The following SLC25A12 variants were observed in gnomAD, a reference collection of about 807,000 sequenced individuals.
SLC25A12 encodes the protein electrogenic aspartate/glutamate antiporter SLC25A12, mitochondrial.
A neutral mutation model predicts 83.3 loss-of-function variants in SLC25A12; 32 were observed. The observed-to-expected ratio is 0.38, with a 90% CI of 0.29 to 0.52. The LOEUF is 0.52. SLC25A12 is among the 20% of genes least tolerant of loss of function. The pLI is 0.84. For missense variants in SLC25A12, 611 were observed against 835.6 expected, an observed-to-expected ratio of 0.73 and a Z score of 3.31; for synonymous variants, 267 against 291.1, an observed-to-expected ratio of 0.92 and a Z score of 0.84.
At chr2:171,837,055 A>G in intron 6 of SLC25A12, 66 bp downstream of exon 6, 1 of 1,503,990 alleles carries the variant, frequency 6.6e-7, no homozygotes, top group Non-Finnish European at 9.2e-7. Context: ...CCTGGAGGCA[A>G]TCCAGGACTC....
At chr2:171,789,233 ACT>A (rs558804456) in intron 15 of SLC25A12, among the ~76,000 whole-genome samples, 2 of 145,398 alleles carry the variant, frequency 1.4e-5, no homozygotes, top group Admixed American at 6.9e-5. Context: ...TTACAGCCTG[ACT>A]CTCTTTTTTT....
At chr2:171,809,410 A>G in intron 13 of SLC25A12, 196 bp downstream of exon 13, 1 of 599,356 alleles carries the variant, frequency 1.7e-6, no homozygotes, top group Non-Finnish European at 3.0e-6. Context: ...ACTGGCGGAA[A>G]ATGCTACCTC....
intron 2 of SLC25A12, among the ~76,000 whole-genome samples, chr2:171,879,727 G>A (rs1170783686): frequency 2.0e-5 from 3 of 152,172 alleles, no homozygotes; most frequent in African/African-American, 7.2e-5. Flanking sequence ...GGCAAATCAT[G>A]TCGCTTTGAC....
At chr2:171,890,418 T>A (rs981197362) in intron 2 of SLC25A12, among the ~76,000 whole-genome samples, 1 of 152,140 alleles carries the variant, frequency 6.6e-6, no homozygotes, top group Non-Finnish European at 1.5e-5. Context: ...GGAATAAAAA[T>A]CTTTTACTTG....
At chr2:171,866,904 T>C (rs1352134747) in intron 3 of SLC25A12, among the ~76,000 whole-genome samples, 3 of 149,776 alleles carry the variant, frequency 2.0e-5, no homozygotes, top group African/African-American at 5.0e-5. Context: ...GAGGGGCTCC[T>C]CACTTCTCAG....
At chr2:171,837,660 T>C (rs1168211189) in intron 5 of SLC25A12, among the ~76,000 whole-genome samples, 1 of 152,196 alleles carries the variant, frequency 6.6e-6, no homozygotes, top group East Asian at 1.9e-4. Flanking sequence ...GAGTACTTCA[T>C]GAATTAAGAG....
rs1464816058 is a variant in SLC25A12, at chr2:171,783,896, G to A, written c.*1378C>T. Among the ~76,000 whole-genome samples the A allele has an allele frequency of 2.0e-5, 3 of 152,186 alleles. No homozygotes were observed. Among genetic ancestry groups the A allele is most frequent in the African/African-American group, 7.2e-5 (3 of 41,444 alleles). On this transcript the variant is annotated 3_prime_UTR_variant, in exon 18 of 18. Coordinates refer to ENST00000422440, the MANE Select transcript of SLC25A12 (RefSeq NM_003705.5). ...CCATCAATCGAGGAGCACTGTGCAG[G>A]ATACTAAGTAACTTGGTCTGTCTCC...
intron 4 of SLC25A12, among the ~76,000 whole-genome samples, chr2:171,848,022 C>G (rs1014788647): frequency 2.6e-5 from 4 of 152,146 alleles, no homozygotes; most frequent in Admixed American, 6.5e-5. Flanking sequence ...CACATTAAAT[C>G]ATATATATTA....
chr2:171,801,533 A>G (rs1047432633), intron 13 of SLC25A12, among the ~76,000 whole-genome samples: 3 of 152,220 alleles, frequency 2.0e-5, no homozygotes, highest in Non-Finnish European at 4.4e-5. Flanking sequence ...ATATATAAAC[A>G]CATATATACA....
At chr2:171,800,677 C>G (rs1395735390) in intron 13 of SLC25A12, among the ~76,000 whole-genome samples, 2 of 152,198 alleles carry the variant, frequency 1.3e-5, no homozygotes, top group Non-Finnish European at 1.5e-5. Flanking sequence ...ATGTTTACAG[C>G]AACCTTATTT....
intron 2 of SLC25A12, among the ~76,000 whole-genome samples, chr2:171,881,449 A>G (rs1282283469): frequency 1.3e-5 from 2 of 151,998 alleles, no homozygotes; most frequent in African/African-American, 4.8e-5. Flanking sequence ...CCCGGCCAAA[A>G]CCCCATATTT....
intron 10 of SLC25A12, among the ~76,000 whole-genome samples, chr2:171,814,242 C>G (rs1482563553): frequency 1.3e-5 from 2 of 152,058 alleles, no homozygotes; most frequent in African/African-American, 4.8e-5. Flanking sequence ...TTCTTCTCAA[C>G]AAAGCAACTT....
chr2:171,822,986 A>G (rs755176837), intron 9 of SLC25A12, among the ~76,000 whole-genome samples: 2 of 152,244 alleles, frequency 1.3e-5, no homozygotes, highest in Non-Finnish European at 2.9e-5. Context: ...AATCAAATCA[A>G]GATATCTTCT....
At position 171,783,994 on chromosome 2, in the gene SLC25A12, C is replaced by T. The variant is rs549559573; in HGVS notation, c.*1280G>A. Among the ~76,000 whole-genome samples the T allele has an allele frequency of 6.6e-6, 1 of 152,304 alleles. No homozygotes were observed. The highest frequency in any genetic ancestry group is 2.1e-4 in the South Asian group (1 of 4,824). On this transcript the variant is annotated 3_prime_UTR_variant, in exon 18 of 18. Transcript: ENST00000422440. ...ACTGGCAGTAGCAATAATGTCTTCC[C>T]AGAGCACTTTGGTAAGGTAAATAAA...
At chr2:171,860,343 G>A (rs1422891124) in intron 3 of SLC25A12, among the ~76,000 whole-genome samples, 1 of 152,086 alleles carries the variant, frequency 6.6e-6, no homozygotes, top group Non-Finnish European at 1.5e-5. Context: ...CACTTCGGGA[G>A]GCTGAGGCGG....
At chr2:171,795,113 T>A (rs780580818) in intron 13 of SLC25A12, among the ~76,000 whole-genome samples, 1 of 152,176 alleles carries the variant, frequency 6.6e-6, no homozygotes, top group Non-Finnish European at 1.5e-5. Context: ...GATACTAAAT[T>A]CCTTCCCTCT....
At chr2:171,822,293 T>C (rs1221963688) in intron 9 of SLC25A12, among the ~76,000 whole-genome samples, 1 of 152,218 alleles carries the variant, frequency 6.6e-6, no homozygotes, top group African/African-American at 2.4e-5. Context: ...TTAACATTTA[T>C]TGCATGCTTA....
chr2:171,854,079 A>G (rs963121000), intron 4 of SLC25A12, among the ~76,000 whole-genome samples: 1 of 152,200 alleles, frequency 6.6e-6, no homozygotes, highest in Non-Finnish European at 1.5e-5. Flanking sequence ...AGCATGTGTG[A>G]TACCTACTGA....
chr2:171,828,997 C>T lies in SLC25A12; in HGVS notation c.846-2115G>A, dbSNP rs138689937. 1.4e-4 allele frequency among the ~76,000 whole-genome samples: 22 copies of T among 152,290 alleles called. 1 individual carries two copies. The highest frequency in any genetic ancestry group is 5.3e-4 in the African/African-American group (22 of 41,558). ...CCCAGAGTTTTTCCAGGGGGATGCC[C>T]CAGGTAAAATTTGAGTCACCAAATA... On this transcript the variant is annotated intron_variant, in intron 8 of 17. Coordinates refer to ENST00000422440, the MANE Select transcript of SLC25A12 (RefSeq NM_003705.5).
Sources: allele counts gnomAD v4.1 joint callset (sites outside exome capture counted in the v4.1 genomes callset), GRCh38; gene constraint gnomAD v4.1.1; transcripts MANE v1.5; gene names NCBI Gene and HGNC (gene_info 2026-07-23, HGNC 2026-07-21).